Variants in SPAG16 observed in about 807,000 individuals in gnomAD.
The protein encoded by SPAG16 is sperm-associated antigen 16 protein.
In SPAG16, 86 loss-of-function variants were observed where a neutral mutation model predicts 80.4. The ratio of observed to expected loss-of-function variants is 1.07; its 90% confidence interval spans 0.90 to 1.28. The LOEUF (loss-of-function observed/expected upper bound fraction) is 1.28. Ranked by LOEUF, SPAG16 falls within the 50% of genes most tolerant of loss-of-function variation. The pLI is 0.00. For missense variants in SPAG16, 870 were observed against 765.3 expected, an observed-to-expected ratio of 1.14 and a Z score of -1.61; for synonymous variants, 294 against 265.9, an observed-to-expected ratio of 1.11 and a Z score of -1.03.
chr2:214,262,198 C>T (rs1051657705), intron 15 of SPAG16, among the ~76,000 whole-genome samples: 2 of 151,916 alleles, frequency 1.3e-5, no homozygotes, highest in Admixed American at 1.3e-4. Context: ...ATAAGAAAAA[C>T]ATTTATCAAA....
At chr2:214,233,138 C>T (rs1688815921) in intron 15 of SPAG16, among the ~76,000 whole-genome samples, 1 of 151,852 alleles carries the variant, frequency 6.6e-6, no homozygotes, top group Admixed American at 6.6e-5. Context: ...AAGGGGGGGC[C>T]ATAAGTGTTA....
chr2:214,071,271 C>A (rs2050777330), intron 13 of SPAG16, among the ~76,000 whole-genome samples: 1 of 152,102 alleles, frequency 6.6e-6, no homozygotes, highest in African/African-American at 2.4e-5. Flanking sequence ...AAAGCAAGGG[C>A]AGGTCTGTAG....
At chr2:213,944,906 C>T (rs1023836973) in intron 12 of SPAG16, among the ~76,000 whole-genome samples, 6 of 151,868 alleles carry the variant, frequency 4.0e-5, no homozygotes, top group Admixed American at 6.6e-5. Flanking sequence ...GGCGTGGGGG[C>T]GTGCACCTGT....
chr2:214,111,617 C>CT (rs1559806464), intron 14 of SPAG16, among the ~76,000 whole-genome samples: 2 of 152,140 alleles, frequency 1.3e-5, no homozygotes, highest in African/African-American at 4.8e-5. Flanking sequence ...AATGCAGGCT[C>CT]TTTTTTGGTT....
chr2:213,934,386 T>G lies in SPAG16; in HGVS notation c.1400+4241T>G, dbSNP rs531024505. On this transcript the variant is annotated intron_variant, in intron 12 of 15. Coordinates refer to ENST00000331683, the MANE Select transcript of SPAG16 (RefSeq NM_024532.5). ...TTGGTTACCATAATGCAAGTGACAC[T>G]GCTGAACCAAATGATGCAGATTGTG... is the stretch of plus-strand genomic sequence containing the variant. 3.9e-5 allele frequency among the ~76,000 whole-genome samples: 6 copies of G among 152,386 alleles called. No homozygotes were observed. The South Asian group carries it at 1.2e-3, about 32-fold the overall frequency.
At chr2:214,248,934 C>T (rs114655555) in intron 15 of SPAG16, among the ~76,000 whole-genome samples, 1 of 151,970 alleles carries the variant, frequency 6.6e-6, no homozygotes, top group Admixed American at 6.6e-5. Context: ...AAAACTGGAA[C>T]CACAGCAGAT....
intron 15 of SPAG16, among the ~76,000 whole-genome samples, chr2:214,332,311 G>T (rs1053558327): frequency 6.6e-6 from 1 of 152,168 alleles, no homozygotes; most frequent in Admixed American, 6.5e-5. Flanking sequence ...ATTCTTTGAA[G>T]AATTTTTCTG....
Position 214,160,762 on chromosome 2 carries a change from A to G in SPAG16, c.1720+11496A>G, listed in dbSNP as rs528047554. On this transcript the variant is annotated intron_variant, in intron 15 of 15. Transcript: ENST00000331683. ...TCAATTTCTTGCTTTTTCATTTTAC[A>G]GCATGTTCTTACATTTTACCCACAT... is the stretch of plus-strand genomic sequence containing the variant. Among the ~76,000 whole-genome samples the G allele has an allele frequency of 2.2e-4, 34 of 152,194 alleles. 1 individual carries two copies. In the South Asian group the frequency reaches 2.7e-3, roughly 12 times the overall value.
chr2:213,882,330 G>A (rs2076375088), intron 11 of SPAG16, among the ~76,000 whole-genome samples: 1 of 152,084 alleles, frequency 6.6e-6, no homozygotes, highest in African/African-American at 2.4e-5. Context: ...TTCATATTAG[G>A]CTAATGCTAG....
chr2:214,104,055 G>C (rs1042699430), intron 13 of SPAG16, among the ~76,000 whole-genome samples: 1 of 152,150 alleles, frequency 6.6e-6, no homozygotes, highest in South Asian at 2.1e-4. Flanking sequence ...GCATCGGTTT[G>C]CAATCCTTGG....
chr2:213,470,298 C>A (rs993378730), intron 9 of SPAG16, among the ~76,000 whole-genome samples: 2 of 152,116 alleles, frequency 1.3e-5, no homozygotes, highest in Non-Finnish European at 2.9e-5. Flanking sequence ...GATCCCACTG[C>A]CCCACTTTTT....
At chr2:213,510,627 G>A (rs973870497) in intron 10 of SPAG16, among the ~76,000 whole-genome samples, 8 of 152,048 alleles carry the variant, frequency 5.3e-5, no homozygotes, top group East Asian at 1.9e-4. Context: ...GTGGGTTTTC[G>A]CGTTACACTG....
intron 5 of SPAG16, among the ~76,000 whole-genome samples, chr2:213,322,825 A>G (rs1483026918): frequency 6.6e-6 from 1 of 152,188 alleles, no homozygotes; most frequent in Non-Finnish European, 1.5e-5. Context: ...ACTGAGGGAA[A>G]AAGCCAAGTA....
At chr2:214,044,655 T>C (rs1342419752) in intron 13 of SPAG16, among the ~76,000 whole-genome samples, 4 of 152,188 alleles carry the variant, frequency 2.6e-5, no homozygotes, top group African/African-American at 9.7e-5. Flanking sequence ...CAGTCTTGAA[T>C]TGCCATTGCC....
intron 10 of SPAG16, among the ~76,000 whole-genome samples, chr2:213,681,404 T>G (rs532652020): frequency 6.6e-6 from 1 of 152,298 alleles, no homozygotes; most frequent in African/African-American, 2.4e-5. Flanking sequence ...AATCAGAACT[T>G]AGTCCTCATA....
intron 10 of SPAG16, among the ~76,000 whole-genome samples, chr2:213,633,423 G>A (rs2062232139): frequency 6.6e-6 from 1 of 152,092 alleles, no homozygotes; most frequent in Admixed American, 6.5e-5. Context: ...AACGTTTTAA[G>A]ACTTGTTTTA....
chr2:214,056,078 G>A lies in SPAG16; in HGVS notation c.1527+42001G>A, dbSNP rs149171681. Among the ~76,000 whole-genome samples, 1,052 of 152,098 alleles carry A rather than the reference G, an allele frequency of 6.9e-3. 16 individuals carry two copies. The highest frequency in any genetic ancestry group is 0.024 in the African/African-American group (984 of 41,492). ...GTCTAGTAATTTTCAGCTATTAAATGGAATATAGAGTGGCAAGTAAAGACA... is the reference window on the plus strand; with the variant it reads ...GTCTAGTAATTTTCAGCTATTAAATAGAATATAGAGTGGCAAGTAAAGACA... On this transcript the variant is annotated intron_variant, in intron 13 of 15. Coordinates refer to ENST00000331683, the MANE Select transcript of SPAG16 (RefSeq NM_024532.5).
At chr2:213,418,578 A>G (rs2069404276) in intron 9 of SPAG16, among the ~76,000 whole-genome samples, 1 of 152,224 alleles carries the variant, frequency 6.6e-6, no homozygotes, top group South Asian at 2.1e-4. Flanking sequence ...TGAATGCAGT[A>G]TATTCTTCAA....
chr2:213,804,459 A>G (rs1453583784), intron 10 of SPAG16, among the ~76,000 whole-genome samples: 2 of 152,136 alleles, frequency 1.3e-5, no homozygotes, highest in East Asian at 1.9e-4. Flanking sequence ...CGAGGCGGGC[A>G]GATCACAAGG....
Sources: allele counts gnomAD v4.1 joint callset (sites outside exome capture counted in the v4.1 genomes callset), GRCh38; gene constraint gnomAD v4.1.1; transcripts MANE v1.5; gene names NCBI Gene and HGNC (gene_info 2026-07-23, HGNC 2026-07-21).